Variants in BROX observed in about 807,000 individuals in gnomAD.
BROX encodes the protein BRO1 domain-containing protein BROX.
BROX carries 53 observed loss-of-function variants against 61.0 expected under a neutral mutation model. The ratio of observed to expected loss-of-function variants is 0.87; its 90% CI spans 0.70 to 1.09. BROX has a LOEUF of 1.09. Among genes scored for constraint, BROX ranks in the 50% least tolerant of loss-of-function variants. The probability of loss-of-function intolerance (pLI) is 0.00; values close to 1 mark genes in which losing one functional copy is unlikely to be tolerated. For missense variants in BROX, 489 were observed against 472.0 expected, an observed-to-expected ratio of 1.04 and a Z score of -0.33; for synonymous variants, 152 against 160.2, an observed-to-expected ratio of 0.95 and a Z score of 0.38.
At chr1:222,724,976 G>A (rs570001294) in intron 6 of BROX, among the ~76,000 whole-genome samples, 5 of 152,130 alleles carry the variant, frequency 3.3e-5, no homozygotes, top group Non-Finnish European at 7.4e-5. Context: ...TGTATTTTTA[G>A]TAGAGACGGG....
rs771145159 is a variant in BROX at position 222,731,323 on chromosome 1, A to G, written c.990-34A>G. The G allele has an allele frequency of 7.2e-6, 11 of 1,532,490 alleles. No individual in the cohort carries two copies. The South Asian group carries it at 1.0e-4, about 14-fold the overall frequency. The allele number at this position is 1,532,490 out of a possible 1,614,324, so 94.9% of individuals were successfully genotyped here. On this transcript the variant is annotated intron_variant, in intron 11 of 12. Coordinates refer to ENST00000340934, the MANE Select transcript of BROX (RefSeq NM_144695.4). ...TATTAGGCACTCAAATAACGAACAA[A>G]TGAATGAATTGCTATTTAAATTATT...
chr1:222,713,296 A>G, intron 1 of BROX: 1 of 985,904 alleles, frequency 1.0e-6, no homozygotes, highest in Non-Finnish European at 1.2e-6. Context: ...AAAGAGGGGA[A>G]CTCAAGTGTT....
At chr1:222,722,663 G>A in intron 5 of BROX, 149 bp downstream of exon 5, 1 of 631,296 alleles carries the variant, frequency 1.6e-6, no homozygotes, top group South Asian at 2.1e-5. Flanking sequence ...CAGAATTATG[G>A]CACCTAGCGT....
chr1:222,727,046 C>T (rs1015106965), intron 7 of BROX, 122 bp from the exon 8 acceptor site: 78 of 705,866 alleles, frequency 1.1e-4, no homozygotes, highest in Non-Finnish European at 1.6e-4. Flanking sequence ...CACGTTAAAA[C>T]GTTTAACAAA....
chr1:222,725,259 A>G lies in BROX; in HGVS notation c.475-191A>G, dbSNP rs187043740. ...GAATTTCTTGTTCTTATAAAAGCTGAGTTTTAGTATACAGGAACTTTTATT... is the reference window on the plus strand; with the variant it reads ...GAATTTCTTGTTCTTATAAAAGCTGGGTTTTAGTATACAGGAACTTTTATT... On this transcript the variant is annotated intron_variant, in intron 6 of 12. Coordinates refer to ENST00000340934, the MANE Select transcript of BROX (RefSeq NM_144695.4). Among the ~76,000 whole-genome samples the G allele has an allele frequency of 1.1e-3, 175 of 152,274 alleles. 4 individuals carry two copies. The highest frequency in any genetic ancestry group is 0.011 in the Admixed American group (175 of 15,296).
chr1:222,719,093 C>G, intron 3 of BROX, 62 bp downstream of exon 3: 1 of 1,449,662 alleles, frequency 6.9e-7, no homozygotes, highest in Non-Finnish European at 9.6e-7. Flanking sequence ...ACATTTAATT[C>G]TTTGACTTTT....
intron 11 of BROX, among the ~76,000 whole-genome samples, chr1:222,730,662 G>C (rs1383297836): frequency 2.0e-5 from 3 of 152,072 alleles, no homozygotes; most frequent in Admixed American, 1.3e-4. Context: ...CAGTTGTGTA[G>C]GGCCTTTTAT....
At chr1:222,715,522 A>T (rs779722702) in intron 1 of BROX, among the ~76,000 whole-genome samples, 162 bp from the exon 2 acceptor site, 2 of 152,246 alleles carry the variant, frequency 1.3e-5, no homozygotes, top group South Asian at 4.1e-4. Context: ...AGCCTGGCCA[A>T]CATGGTGAAA....
In BROX at chr1:222,732,924, C is replaced by T. The variant is rs563617270; in HGVS notation, c.*210C>T. 3.2e-5 allele frequency: 17 copies of T among 524,444 alleles called. No individual in the cohort carries two copies. In the East Asian group the frequency reaches 5.3e-4, roughly 16 times the overall value. 32.5% of individuals were successfully genotyped at this position (524,444 alleles called of 1,614,324 possible). A position where few individuals can be genotyped will look rare whatever the true frequency, so the allele number is the denominator to read the frequency against. On this transcript the variant is annotated 3_prime_UTR_variant, in exon 13 of 13. Transcript: ENST00000340934. ...AGACTCTCCTTTTTAATCAGGACAACATTTGAAAGATTTTATTGTGCCTCT... is the reference window on the plus strand; with the variant it reads ...AGACTCTCCTTTTTAATCAGGACAATATTTGAAAGATTTTATTGTGCCTCT...
intron 8 of BROX, 99 bp downstream of exon 8, chr1:222,727,356 C>T: frequency 2.4e-6 from 2 of 841,192 alleles, no homozygotes; most frequent in Non-Finnish European, 1.9e-6. Context: ...CAGATTCTGT[C>T]ATTATTTGCA....
At chr1:222,718,733 T>G (rs1039378617) in intron 2 of BROX, among the ~76,000 whole-genome samples, 192 bp from the exon 3 acceptor site, 4 of 152,220 alleles carry the variant, frequency 2.6e-5, no homozygotes, top group Admixed American at 2.6e-4. Context: ...CCTGATTAAA[T>G]TCATTTGTTA....
chr1:222,726,631 C>T (rs529551000), intron 7 of BROX, among the ~76,000 whole-genome samples: 269 of 151,960 alleles, frequency 1.8e-3, no homozygotes, highest in African/African-American at 6.3e-3. Flanking sequence ...GCAGGAGAAT[C>T]GCTTGAACCT....
intron 11 of BROX, 127 bp from the exon 12 acceptor site, chr1:222,731,230 C>T (rs560672766): frequency 5.3e-6 from 4 of 760,698 alleles, no homozygotes; most frequent in Non-Finnish European, 7.8e-6. Flanking sequence ...TTTTCACTTT[C>T]CTACATAAGG....
rs561542011 is a variant in BROX, at chr1:222,715,862, C to A, written c.101+62C>A. The A allele has an allele frequency of 1.2e-4, 104 of 887,356 alleles. No individual in the cohort carries two copies. In the African/African-American group the frequency reaches 1.6e-3, roughly 14 times the overall value. 55.0% of individuals were successfully genotyped at this position (887,356 alleles called of 1,614,324 possible). On this transcript the variant is annotated intron_variant, in intron 2 of 12. Coordinates refer to ENST00000340934, the MANE Select transcript of BROX (RefSeq NM_144695.4). The stretch of plus-strand genomic sequence containing the variant: ...TACTTTTTTTGGTTCCATGGCAATA[C>A]AGAAATATGTAACACACTGTTTCTA...
At chr1:222,722,688 A>C (rs1380663554) in intron 5 of BROX, among the ~76,000 whole-genome samples, 174 bp downstream of exon 5, 1 of 152,194 alleles carries the variant, frequency 6.6e-6, no homozygotes, top group Non-Finnish European at 1.5e-5. Context: ...AGGTAAAATA[A>C]ATTTTAATAG....
At position 222,723,614 on chromosome 1, in the gene BROX, AC is replaced by A. The variant is rs1657270156; in HGVS notation, c.402-477del. On this transcript the variant is annotated intron_variant, in intron 5 of 12. Coordinates refer to ENST00000340934, the MANE Select transcript of BROX (RefSeq NM_144695.4). The stretch of plus-strand genomic sequence containing the variant: ...GCATTCAAAATCCTTTACAGTTTTT[AC>A]TAATTTCCTATAAACGTACATTTCA... 2.0e-5 allele frequency among the ~76,000 whole-genome samples: 3 copies of A among 152,154 alleles called. No homozygotes were observed. The South Asian group carries it at 6.2e-4, about 31-fold the overall frequency.
chr1:222,718,920 A>T lies in BROX; in HGVS notation c.102-5A>T, dbSNP rs200655590. 1 of 1,611,248 alleles carries T rather than the reference A, an allele frequency of 6.2e-7. No individual in the cohort carries two copies. The highest frequency in any genetic ancestry group is 8.5e-7 in the Non-Finnish European group (1 of 1,177,986). ...ACTTTACTGTCTTTTTGTATCTCTT[A>T]TAAGTGACTTGAGGTCATCCAGGGC... On this transcript the variant is annotated splice_polypyrimidine_tract_variant and splice_region_variant and intron_variant, in intron 2 of 12. Transcript: ENST00000340934.
In BROX at chr1:222,722,500, G is replaced by C; in HGVS notation, c.387G>C (p.Leu129=). 1 of 1,609,580 alleles carries C rather than the reference G, an allele frequency of 6.2e-7. No individual in the cohort carries two copies. The highest frequency in any genetic ancestry group is 1.1e-5 in the South Asian group (1 of 90,928). Residue 129 remains leucine, a synonymous_variant, in exon 5 of 13, where the codon CTG becomes CTC. Coordinates refer to ENST00000340934, the MANE Select transcript of BROX (RefSeq NM_144695.4). ...GGTATACCAAATATGCTTCAAGACT[G>C]GCTGGAAAAGAAAAGTAAGTTAATA... ...ALWYTKYASR[L]AGKENITEDE... is the part of the protein sequence containing the mutation.
At chr1:222,715,331 A>G (rs187010404) in intron 1 of BROX, 6 of 153,186 alleles carry the variant, frequency 3.9e-5, no homozygotes, top group African/African-American at 1.4e-4. Flanking sequence ...GTTAACATTG[A>G]AGTTATTGTG....
Sources: gnomAD v4.1 joint callset for allele counts (sites outside exome capture counted in the v4.1 genomes callset) on GRCh38, gnomAD v4.1.1 for gene constraint, MANE v1.5 for transcripts, NCBI Gene and HGNC (gene_info 2026-07-23, HGNC 2026-07-21) for gene names.